Variants in ADORA2A observed in about 807,000 individuals in gnomAD.
The protein encoded by ADORA2A is adenosine A2a receptor.
In ADORA2A, 11 loss-of-function variants were observed where a neutral mutation model predicts 18.4. The observed-to-expected ratio is 0.60, with a 90% CI of 0.38 to 0.99. The LOEUF is 0.99. ADORA2A is among the 50% of genes least tolerant of loss of function. The probability of loss-of-function intolerance (pLI) is 0.01; values close to 1 mark genes in which losing one functional copy is unlikely to be tolerated. For synonymous variants in ADORA2A, 218 were observed against 237.3 expected (o/e 0.92, Z 0.75); for missense variants, 449 against 556.1 (o/e 0.81, Z 1.94).
intron 1 of ADORA2A, chr22:24,432,216 G>C (rs2043056082): frequency 6.5e-6 from 1 of 152,782 alleles, no homozygotes; most frequent in African/African-American, 2.4e-5. Flanking sequence ...TGACTGGCAG[G>C]GGCACCTGGA....
intron 2 of ADORA2A, chr22:24,438,807 GT>G (rs1275209861): frequency 6.6e-6 from 1 of 152,102 alleles, no homozygotes; most frequent in African/African-American, 2.4e-5. Flanking sequence ...AGCCACCAGG[GT>G]TTCTCTTTTT....
chr22:24,431,312 C>T (rs1257991921), intron 1 of ADORA2A: 1 of 456,786 alleles, frequency 2.2e-6, no homozygotes, highest in Non-Finnish European at 4.4e-6. Context: ...TCCCAGGCTC[C>T]TAGTAGGGGC....
Position 24,441,538 on chromosome 22 carries a change from C to A in ADORA2A, c.*49C>A. 6.9e-7 allele frequency: 1 copy of A among 1,457,776 alleles called. No individual in the cohort carries two copies. Among genetic ancestry groups the A allele is most frequent in the Non-Finnish European group, 9.1e-7 (1 of 1,104,596 alleles). 90.3% of individuals were successfully genotyped at this position (1,457,776 alleles called of 1,614,324 possible). A position where few individuals can be genotyped will look rare whatever the true frequency, so the allele number is the denominator to read the frequency against. On this transcript the variant is annotated 3_prime_UTR_variant, in exon 3 of 3. Coordinates refer to ENST00000337539, the MANE Select transcript of ADORA2A (RefSeq NM_000675.6). ...CTAAGGGAAGGAGATCTTTATCTTT[C>A]TGGTTGGCTTGACCAGTCACGTTGG...
upstream of ADORA2A, chr22:24,423,926 C>A (rs529131114): frequency 1.3e-5 from 2 of 151,428 alleles, no homozygotes; most frequent in South Asian, 2.1e-4. Flanking sequence ...CAGCGGCCGC[C>A]GAGACAGCGG....
At chr22:24,440,091 C>A (rs2043297822) in intron 2 of ADORA2A, among the ~76,000 whole-genome samples, 1 of 152,164 alleles carries the variant, frequency 6.6e-6, no homozygotes, top group Non-Finnish European at 1.5e-5. Context: ...TGCCCCTAGC[C>A]AGTAAAGCCA....
At chr22:24,426,363 G>A (rs921920674), upstream of ADORA2A, among the ~76,000 whole-genome samples, 1 of 152,230 alleles carries the variant, frequency 6.6e-6, no homozygotes, top group Non-Finnish European at 1.5e-5. Flanking sequence ...GATGGATGAA[G>A]GCGGGAAGCA....
rs61729161 is a variant in ADORA2A at position 24,441,456 on chromosome 22, C to A, written c.1206C>A (p.Asp402Glu). 1.6e-3 allele frequency: 2,423 copies of A among 1,518,494 alleles called. 30 individuals are homozygous for A. The African/African-American group carries it at 0.026, about 17-fold the overall frequency. 94.1% of individuals were successfully genotyped at this position (1,518,494 alleles called of 1,614,324 possible). A position where few individuals can be genotyped will look rare whatever the true frequency, so the allele number is the denominator to read the frequency against. The change falls in exon 3 of 3, where the codon GAC becomes GAA. Residue 402 changes from aspartate to glutamate, a missense_variant. By Grantham distance (45) the Asp-to-Glu change is conservative (BLOSUM62 2). Transcript: ENST00000337539. ...GVCPEPPGLD[D>E]PLAQDGAGVS Reference sequence around the variant, plus strand: ...GCCCAGAGCCCCCTGGCCTAGATGACCCCCTGGCCCAGGATGGAGCAGGAG... The same window carrying A: ...GCCCAGAGCCCCCTGGCCTAGATGAACCCCTGGCCCAGGATGGAGCAGGAG...
rs141576458 is a variant in ADORA2A, at chr22:24,428,702, C to A, written c.-275+956C>A. Among the ~76,000 whole-genome samples, 13 of 152,310 alleles carry A rather than the reference C, an allele frequency of 8.5e-5. 1 individual carries two copies. The East Asian group carries it at 2.5e-3, about 29-fold the overall frequency. On this transcript the variant is annotated intron_variant, in intron 1 of 2. Coordinates refer to ENST00000337539, the MANE Select transcript of ADORA2A (RefSeq NM_000675.6). ...TTTCTTAGCCTTCATATACCTCTTGCGCTTTGAAATTGATTTGCGACTCCT... is the reference window on the plus strand; with the variant it reads ...TTTCTTAGCCTTCATATACCTCTTGAGCTTTGAAATTGATTTGCGACTCCT...
chr22:24,426,413 G>A (rs1294538869), upstream of ADORA2A, among the ~76,000 whole-genome samples: 1 of 152,222 alleles, frequency 6.6e-6, no homozygotes, highest in African/African-American at 2.4e-5. Context: ...TGGGGGTGCT[G>A]TGGAGAGGAG....
At chr22:24,438,819 CTCTTT>C (rs1362341491) in intron 2 of ADORA2A, 6 of 152,188 alleles carry the variant, frequency 3.9e-5, no homozygotes, top group East Asian at 1.9e-4. Context: ...TTCTCTTTTT[CTCTTT>C]TATTTGAATT....
upstream of ADORA2A, among the ~76,000 whole-genome samples, chr22:24,424,173 C>T (rs981987745): frequency 1.3e-5 from 2 of 151,888 alleles, no homozygotes; most frequent in Non-Finnish European, 2.9e-5. The surrounding 1 kb of genome is among the most constrained non-coding windows in gnomAD (Gnocchi z 4.9). Context: ...TGCCCCGCGG[C>T]GGCTGCCGGC....
chr22:24,423,975 G>A (rs1322822634), upstream of ADORA2A: 1 of 152,230 alleles, frequency 6.6e-6, no homozygotes, highest in Non-Finnish European at 1.5e-5. Context: ...GGGGTGCTAG[G>A]TCTGGCGTGC....
At chr22:24,428,760 T>C (rs1204356894) in intron 1 of ADORA2A, among the ~76,000 whole-genome samples, 1 of 152,128 alleles carries the variant, frequency 6.6e-6, no homozygotes, top group East Asian at 1.9e-4. Context: ...AGACAGGGAG[T>C]GGCCTGCAGT....
intron 2 of ADORA2A, among the ~76,000 whole-genome samples, chr22:24,436,108 G>A (rs1165214710): frequency 1.3e-5 from 2 of 152,204 alleles, no homozygotes; most frequent in East Asian, 1.9e-4. Flanking sequence ...TGGACTCCAG[G>A]GCCCTTCAGG....
chr22:24,433,225 A>G lies in ADORA2A; in HGVS notation c.-180A>G, dbSNP rs1347325373. 8.1e-6 allele frequency: 5 copies of G among 618,382 alleles called. No homozygotes were observed. In the Admixed American group the frequency reaches 1.2e-4, roughly 15 times the overall value. The allele number at this position is 618,382 out of a possible 1,614,324, so 38.3% of individuals were successfully genotyped here. On this transcript the variant is annotated 5_prime_UTR_variant, in exon 2 of 3. It removes the in-frame stop codon of an upstream open reading frame in the 5' UTR. Coordinates refer to ENST00000337539, the MANE Select transcript of ADORA2A (RefSeq NM_000675.6). Reference sequence around the variant, plus strand: ...TTCAGGAGACTCAGAGTCCTCTGTGAAAAAGCCCTTGGAGAGCGCCCCAGC... The same window carrying G: ...TTCAGGAGACTCAGAGTCCTCTGTGGAAAAGCCCTTGGAGAGCGCCCCAGC...
At chr22:24,424,223 G>A (rs2042892255), upstream of ADORA2A, among the ~76,000 whole-genome samples, 1 of 152,060 alleles carries the variant, frequency 6.6e-6, no homozygotes, top group Non-Finnish European at 1.5e-5. This position sits in a 1 kb window ranked among gnomAD's most constrained non-coding sequence, Gnocchi z 4.9. Flanking sequence ...CGTCCCAGGC[G>A]CAGTTGCGGC....
At chr22:24,429,826 G>C (rs1002849009) in intron 1 of ADORA2A, 1 of 152,298 alleles carries the variant, frequency 6.6e-6, no homozygotes, top group African/African-American at 2.4e-5. Flanking sequence ...TGCAGTGCCT[G>C]GCCTCTAGGC....
chr22:24,440,804 G>A lies in ADORA2A; in HGVS notation c.554G>A (p.Cys185Tyr). 2 of 1,614,212 alleles carry A rather than the reference G, an allele frequency of 1.2e-6. No homozygotes were observed. The highest frequency in any genetic ancestry group is 1.1e-5 in the South Asian group (1 of 91,084). ...NYMVYFNFFA[C>Y]VLVPLLLMLG... ...ATGGTGTACTTCAACTTCTTTGCCT[G>A]TGTGCTGGTGCCCCTGCTGCTCATG... Residue 185 changes from cysteine (C) to tyrosine (Y), a missense_variant, in exon 3 of 3, where the codon TGT (cysteine) becomes TAT (tyrosine). Coordinates refer to ENST00000337539, the MANE Select transcript of ADORA2A (RefSeq NM_000675.6).
chr22:24,433,318 G>C lies in ADORA2A; in HGVS notation c.-87G>C. 1 of 1,344,650 alleles carries C rather than the reference G, an allele frequency of 7.4e-7. No homozygotes were observed. 83.3% of individuals were successfully genotyped at this position (1,344,650 alleles called of 1,614,324 possible). The stretch of plus-strand genomic sequence containing the variant: ...GGGCCCCTCCGCCTGGGCCGGGCTG[G>C]GAGCCAGGCGGGCGGCTGGGCTGCA... On this transcript the variant is annotated 5_prime_UTR_variant, in exon 2 of 3. Coordinates refer to ENST00000337539, the MANE Select transcript of ADORA2A (RefSeq NM_000675.6).
Sources: allele counts gnomAD v4.1 joint callset (sites outside exome capture counted in the v4.1 genomes callset), GRCh38; gene constraint gnomAD v4.1.1; non-coding constraint Gnocchi (gnomAD v3.1); transcripts MANE v1.5; gene names NCBI Gene and HGNC (gene_info 2026-07-23, HGNC 2026-07-21).